The following PREX2 variants were observed in gnomAD, a reference collection of about 807,000 sequenced individuals.
PREX2 encodes phosphatidylinositol-3,4,5-trisphosphate dependent Rac exchange factor 2, also known as phosphatidylinositol 3,4,5-trisphosphate-dependent Rac exchanger 2 protein.
In PREX2, 107 loss-of-function variants were observed where a neutral mutation model predicts 203.2. The ratio of observed to expected loss-of-function variants is 0.53; its 90% CI spans 0.45 to 0.62. PREX2 has a LOEUF of 0.62. Ranked by LOEUF, PREX2 falls within the 20% of genes least tolerant of loss-of-function variation. PREX2 has a pLI of 0.00. For synonymous variants in PREX2, 672 were observed against 663.6 expected, an observed-to-expected ratio of 1.01 and a Z score of -0.19; for missense variants, 1,777 against 1,955.9, an observed-to-expected ratio of 0.91 and a Z score of 1.72.
At chr8:68,101,094 T>G (rs1040125079) in intron 23 of PREX2, among the ~76,000 whole-genome samples, 1 of 152,208 alleles carries the variant, frequency 6.6e-6, no homozygotes, top group African/African-American at 2.4e-5. Flanking sequence ...CAAATGAAGT[T>G]GGTTGCTTAA....
intron 33 of PREX2, among the ~76,000 whole-genome samples, chr8:68,144,045 C>T (rs1341351328): frequency 2.6e-5 from 4 of 152,122 alleles, no homozygotes; most frequent in Non-Finnish European, 4.4e-5. Context: ...TTTCATTGAT[C>T]TATTTGTCTG....
Position 68,134,179 on chromosome 8 carries a change from A to T in PREX2, c.3887A>T (p.Asn1296Ile), listed in dbSNP as rs565733102. Residue 1296 changes from asparagine (N) to isoleucine (I), a missense_variant, in exon 32 of 40, where the codon AAT becomes ATT. Transcript: ENST00000288368. ...CAGATGTTTGACAACAGCAAGGAAA[A>T]TGAGATGGAAACTTGGGAAGCCAGC... Reference protein sequence around the residue: ...LNQMFDNSKENEMETWEASRR... With the variant: ...LNQMFDNSKEIEMETWEASRR... 1 of 1,614,106 alleles carries T rather than the reference A, an allele frequency of 6.2e-7. No individual in the cohort carries two copies. The highest frequency in any genetic ancestry group is 1.3e-5 in the African/African-American group (1 of 75,036).
chr8:67,995,396 A>G (rs1325737530), intron 1 of PREX2, among the ~76,000 whole-genome samples: 1 of 152,186 alleles, frequency 6.6e-6, no homozygotes, highest in African/African-American at 2.4e-5. Flanking sequence ...AAAGCCAGAT[A>G]TATGTACTTG....
intron 11 of PREX2, among the ~76,000 whole-genome samples, chr8:68,062,144 C>G (rs192006650): frequency 1.3e-5 from 2 of 152,202 alleles, no homozygotes; most frequent in East Asian, 3.9e-4. Flanking sequence ...TCCCTCATGC[C>G]GTCAAGCCCT....
chr8:68,108,414 A>G, intron 24 of PREX2, 83 bp downstream of exon 24: 1 of 893,978 alleles, frequency 1.1e-6, no homozygotes, highest in Non-Finnish European at 1.7e-6. Context: ...GAAATTCAAT[A>G]GATACCTGGT....
intron 1 of PREX2, among the ~76,000 whole-genome samples, chr8:67,983,864 A>T (rs1047522358): frequency 6.6e-6 from 1 of 152,130 alleles, no homozygotes; most frequent in Non-Finnish European, 1.5e-5. Context: ...CCATTTTCAC[A>T]TCTGTAAGAT....
rs749831150 is a variant in PREX2 at position 68,192,334 on chromosome 8, G to T, written c.4414-1G>T. 6.3e-7 allele frequency: 1 copy of T among 1,579,272 alleles called. No individual in the cohort carries two copies. The highest frequency in any genetic ancestry group is 1.8e-5 in the Admixed American group (1 of 54,814). On this transcript the variant is annotated splice_acceptor_variant, in intron 36 of 39. Coordinates refer to ENST00000288368, the MANE Select transcript of PREX2 (RefSeq NM_024870.4). LOFTEE classifies it high-confidence loss of function. ...TGACGTTCATCACTTTTTTTCTGCA[G>T]CTAATGAGGCCTCTCAACGCTTTGG...
At chr8:68,064,852 G>A (rs1470948884) in intron 11 of PREX2, among the ~76,000 whole-genome samples, 1 of 152,118 alleles carries the variant, frequency 6.6e-6, no homozygotes, top group Non-Finnish European at 1.5e-5. Flanking sequence ...ACTTGAAATT[G>A]GCCAGAGTGG....
intron 1 of PREX2, among the ~76,000 whole-genome samples, chr8:67,964,665 T>G (rs1365749151): frequency 6.6e-6 from 1 of 152,196 alleles, no homozygotes; most frequent in Non-Finnish European, 1.5e-5. Context: ...AGAAAGGCTT[T>G]GGGGTATTTG....
chr8:67,965,976 A>G (rs949939226), intron 1 of PREX2, among the ~76,000 whole-genome samples: 1 of 152,184 alleles, frequency 6.6e-6, no homozygotes, highest in Non-Finnish European at 1.5e-5. Flanking sequence ...TCTTCTCTGT[A>G]TCATTAAATG....
chr8:68,029,249 G>A (rs1367597372), intron 5 of PREX2, among the ~76,000 whole-genome samples: 1 of 152,062 alleles, frequency 6.6e-6, no homozygotes, highest in African/African-American at 2.4e-5. Context: ...GTGAGTGATG[G>A]TTTTCTCTCA....
chr8:68,128,723 A>T (rs968418948), intron 31 of PREX2, among the ~76,000 whole-genome samples: 1 of 152,208 alleles, frequency 6.6e-6, no homozygotes, highest in Non-Finnish European at 1.5e-5. Context: ...TGGCCCCAGC[A>T]TGTAACTGGC....
At chr8:68,131,008 G>T (rs573404834) in intron 31 of PREX2, among the ~76,000 whole-genome samples, 1 of 152,352 alleles carries the variant, frequency 6.6e-6, no homozygotes, top group Non-Finnish European at 1.5e-5. Context: ...TGGAAGAAAG[G>T]TATAGGCCCA....
intron 39 of PREX2, among the ~76,000 whole-genome samples, chr8:68,226,175 A>T (rs2129615521): frequency 6.6e-6 from 1 of 152,334 alleles, no homozygotes; most frequent in East Asian, 1.9e-4. Flanking sequence ...TATTTTATTT[A>T]TTCTTTCATT....
At chr8:67,997,924 ATAT>A (rs1162389779) in intron 1 of PREX2, among the ~76,000 whole-genome samples, 1 of 152,110 alleles carries the variant, frequency 6.6e-6, no homozygotes, top group Non-Finnish European at 1.5e-5. Flanking sequence ...ATAAATGATA[ATAT>A]TATTATTTTA....
At chr8:67,966,840 C>A (rs1805791246) in intron 1 of PREX2, among the ~76,000 whole-genome samples, 1 of 152,094 alleles carries the variant, frequency 6.6e-6, no homozygotes, top group Non-Finnish European at 1.5e-5. Context: ...TCTTGAGCAC[C>A]TACTGTCTGC....
intron 1 of PREX2, among the ~76,000 whole-genome samples, chr8:67,996,564 A>T (rs1462106679): frequency 2.0e-5 from 3 of 152,138 alleles, no homozygotes; most frequent in Non-Finnish European, 4.4e-5. Context: ...TATGTATTGT[A>T]GATATTGCTT....
chr8:68,078,927 A>G (rs533754835), intron 15 of PREX2, among the ~76,000 whole-genome samples: 17 of 152,304 alleles, frequency 1.1e-4, no homozygotes, highest in African/African-American at 3.1e-4. Flanking sequence ...TTGATGCCCT[A>G]TCATGCTCCT....
chr8:68,080,479 T>A lies in PREX2; in HGVS notation c.1679T>A (p.Leu560His). 1 of 1,613,270 alleles carries A rather than the reference T, an allele frequency of 6.2e-7. No homozygotes were observed. The highest frequency in any genetic ancestry group is 8.5e-7 in the Non-Finnish European group (1 of 1,179,696). Residue 560 changes from leucine to histidine, a missense_variant, in exon 16 of 40, where the codon CTT (leucine) becomes CAT (histidine). Physicochemically the swap from Leu to His is moderately conservative, Grantham distance 99 (BLOSUM62 -3). Coordinates refer to ENST00000288368, the MANE Select transcript of PREX2 (RefSeq NM_024870.4). ...AGCGAATTCAAAGATGAACCCCTAC[T>A]TTTCCGTTTTTTTTCGGATGAGGAA... ...EKSEFKDEPL[L>H]FRFFSDEEME...
Sources: gnomAD v4.1 joint callset for allele counts (sites outside exome capture counted in the v4.1 genomes callset) on GRCh38, gnomAD v4.1.1 for gene constraint, MANE v1.5 for transcripts, NCBI Gene and HGNC (gene_info 2026-07-23, HGNC 2026-07-21) for gene names.